The following ARMC8 variants were observed in gnomAD, a reference collection of about 807,000 sequenced individuals.
ARMC8 encodes armadillo repeat-containing protein 8.
In ARMC8, 20 loss-of-function variants were observed where a neutral mutation model predicts 99.3. That is an observed-to-expected ratio of 0.20 (90% confidence interval 0.14 to 0.29). The LOEUF (loss-of-function observed/expected upper bound fraction) is 0.29. ARMC8 is among the 10% of genes least tolerant of loss of function. ARMC8 has a pLI of 1.00. For missense variants in ARMC8, 569 were observed against 809.5 expected, an observed-to-expected ratio of 0.70 and a Z score of 3.60; for synonymous variants, 263 against 278.3, an observed-to-expected ratio of 0.95 and a Z score of 0.55.
At chr3:138,234,045 C>T (rs1212636454) in intron 6 of ARMC8, among the ~76,000 whole-genome samples, 1 of 151,942 alleles carries the variant, frequency 6.6e-6, no homozygotes, top group Admixed American at 6.6e-5. Context: ...GAAAAAAAAC[C>T]CTTCATTTTC....
chr3:138,192,703 A>G (rs968482081), intron 1 of ARMC8, among the ~76,000 whole-genome samples: 1 of 152,072 alleles, frequency 6.6e-6, no homozygotes, highest in African/African-American at 2.4e-5. Flanking sequence ...GGTGTGTGCC[A>G]CCATGCCTGG....
intron 19 of ARMC8, among the ~76,000 whole-genome samples, chr3:138,287,453 C>T: frequency 6.6e-6 from 1 of 152,114 alleles, no homozygotes; most frequent in South Asian, 2.1e-4. Context: ...CACCCCTCCA[C>T]CCTCCAATTT....
chr3:138,256,095 G>A (rs757298878), intron 12 of ARMC8, among the ~76,000 whole-genome samples: 26 of 152,340 alleles, frequency 1.7e-4, no homozygotes, highest in Non-Finnish European at 2.8e-4. Context: ...ACATAACAGG[G>A]TATGGATGGG....
At position 138,289,112 on chromosome 3, in the gene ARMC8, A is replaced by G; in HGVS notation, c.1886A>G (p.Glu629Gly). 1 of 1,612,616 alleles carries G rather than the reference A, an allele frequency of 6.2e-7. No homozygotes were observed. The highest frequency in any genetic ancestry group is 8.5e-7 in the Non-Finnish European group (1 of 1,178,992). ...MFCISNLIWN[E>G]EEGSQERQDK... ...TGTATATCAAACCTCATATGGAATG[A>G]AGAGGAAGGTAAGAGATTGGTGAGA... The change falls in exon 20 of 22, where the codon GAA becomes GGA. Residue 629 changes from glutamate (E) to glycine (G), a missense_variant. Transcript: ENST00000469044.
chr3:138,258,610 G>A (rs2047516232), intron 12 of ARMC8, among the ~76,000 whole-genome samples: 1 of 152,156 alleles, frequency 6.6e-6, no homozygotes, highest in South Asian at 2.1e-4. Context: ...GGTCATAAAA[G>A]TCTTGTCCCG....
intron 12 of ARMC8, among the ~76,000 whole-genome samples, chr3:138,250,296 A>G (rs1326482587): frequency 2.0e-5 from 3 of 152,168 alleles, no homozygotes; most frequent in Non-Finnish European, 4.4e-5. Flanking sequence ...GGAAGCATTT[A>G]TTAGAATATC....
At chr3:138,210,282 T>A (rs2044619375) in intron 2 of ARMC8, among the ~76,000 whole-genome samples, 1 of 152,226 alleles carries the variant, frequency 6.6e-6, no homozygotes, top group South Asian at 2.1e-4. Flanking sequence ...GTTAACTCAT[T>A]AACTGTCACC....
At chr3:138,284,683 GA>G (rs113137172) in intron 19 of ARMC8, among the ~76,000 whole-genome samples, 157 bp downstream of exon 19, 7,461 of 151,998 alleles carry the variant, frequency 0.049, 602 homozygotes, top group African/African-American at 0.17. Flanking sequence ...TGAAGAAAAA[GA>G]AAAAAACACC....
At chr3:138,256,782 C>T (rs1222221945) in intron 12 of ARMC8, among the ~76,000 whole-genome samples, 6 of 151,940 alleles carry the variant, frequency 3.9e-5, no homozygotes, top group Non-Finnish European at 2.9e-5. Context: ...CTTTATTGGC[C>T]CAAGATATCA....
At chr3:138,272,331 T>C (rs111903025) in intron 16 of ARMC8, among the ~76,000 whole-genome samples, 4 of 152,286 alleles carry the variant, frequency 2.6e-5, no homozygotes, top group African/African-American at 9.6e-5. Context: ...AGTCATTTCG[T>C]GTACAGCAGG....
chr3:138,231,851 C>A (rs1439599995), intron 6 of ARMC8, among the ~76,000 whole-genome samples: 4 of 151,664 alleles, frequency 2.6e-5, no homozygotes, highest in Admixed American at 2.6e-4. Flanking sequence ...TCACTAACCA[C>A]CAGGTTCCTG....
chr3:138,224,110 C>T (rs1230572011), intron 5 of ARMC8, among the ~76,000 whole-genome samples: 1 of 151,932 alleles, frequency 6.6e-6, no homozygotes, highest in Non-Finnish European at 1.5e-5. Flanking sequence ...AGGCGCGTGC[C>T]ACCACACCCG....
intron 1 of ARMC8, among the ~76,000 whole-genome samples, chr3:138,208,247 C>T (rs560768428): frequency 2.1e-4 from 32 of 152,150 alleles, no homozygotes; most frequent in Non-Finnish European, 4.1e-4. Context: ...GCGGGCGGAT[C>T]ACGAGGTCAG....
chr3:138,251,255 C>T (rs1036954867), intron 12 of ARMC8, among the ~76,000 whole-genome samples: 4 of 151,816 alleles, frequency 2.6e-5, no homozygotes, highest in Non-Finnish European at 5.9e-5. Context: ...TATAAATGTA[C>T]CGTGAATTTA....
Position 138,264,180 on chromosome 3 carries a change from C to T in ARMC8, c.1267C>T (p.Gln423Ter). The change falls in exon 14 of 22, where the codon CAG (glutamine) becomes TAG (stop). Residue 423 changes from glutamine (Q) to a stop codon, truncating the protein, a stop_gained. Transcript: ENST00000469044. LOFTEE classifies it high-confidence loss of function. ...TGTGCAGCAGCTTCGAACCAGTTTCCAGGATCATGCTGTTTGGAAACCTTT... is the reference window on the plus strand; with the variant it reads ...TGTGCAGCAGCTTCGAACCAGTTTCTAGGATCATGCTGTTTGGAAACCTTT... ...RSVQQLRTSF[Q>*]DHAVWKPLMK... 1 of 1,613,936 alleles carries T rather than the reference C, an allele frequency of 6.2e-7. No homozygotes were observed. The highest frequency in any genetic ancestry group is 8.5e-7 in the Non-Finnish European group (1 of 1,179,884).
intron 5 of ARMC8, among the ~76,000 whole-genome samples, chr3:138,224,567 C>T (rs564085302): frequency 1.8e-4 from 28 of 152,226 alleles, no homozygotes; most frequent in Non-Finnish European, 3.8e-4. Flanking sequence ...CTGGCCAACA[C>T]GGTGAAACTC....
chr3:138,279,273 AT>A (rs569898312), intron 18 of ARMC8, among the ~76,000 whole-genome samples: 96 of 152,072 alleles, frequency 6.3e-4, no homozygotes, highest in Admixed American at 3.3e-3. Flanking sequence ...TGAGCCATAG[AT>A]TTTTTTTCAA....
At chr3:138,234,426 A>G (rs1190203977) in intron 6 of ARMC8, among the ~76,000 whole-genome samples, 2 of 152,194 alleles carry the variant, frequency 1.3e-5, no homozygotes, top group Admixed American at 1.3e-4. Context: ...ATACTTTTAA[A>G]AAGAAAAATG....
chr3:138,194,478 C>T (rs1295190620), intron 1 of ARMC8, among the ~76,000 whole-genome samples: 1 of 151,476 alleles, frequency 6.6e-6, no homozygotes, highest in Admixed American at 6.6e-5. Flanking sequence ...GCTGGGACTA[C>T]AGGCACCTGC....
Sources: allele counts gnomAD v4.1 joint callset (sites outside exome capture counted in the v4.1 genomes callset), GRCh38; gene constraint gnomAD v4.1.1; transcripts MANE v1.5; gene names NCBI Gene and HGNC (gene_info 2026-07-23, HGNC 2026-07-21).